Variants in SNX29 observed in about 807,000 individuals in gnomAD.
SNX29 encodes sorting nexin-29.
A neutral mutation model predicts 102.1 loss-of-function variants in SNX29; 78 were observed. The observed-to-expected ratio is 0.76, with a 90% CI of 0.64 to 0.92. The LOEUF (loss-of-function observed/expected upper bound fraction) is 0.92. Among genes scored for constraint, SNX29 ranks in the 40% least tolerant of loss-of-function variants. The probability of loss-of-function intolerance (pLI) is 0.00; values close to 1 mark genes in which losing one functional copy is unlikely to be tolerated. For missense variants in SNX29, 1,280 were observed against 1,061.7 expected, an observed-to-expected ratio of 1.21 and a Z score of -2.86; for synonymous variants, 580 against 414.5, an observed-to-expected ratio of 1.40 and a Z score of -4.85.
chr16:12,363,354 C>T (rs1373799806), intron 16 of SNX29, among the ~76,000 whole-genome samples: 2 of 152,136 alleles, frequency 1.3e-5, no homozygotes, highest in Admixed American at 6.5e-5. Flanking sequence ...TCAGCCACTT[C>T]CCTCTTCCTT....
At chr16:12,552,769 T>G (rs755525905) in intron 20 of SNX29, among the ~76,000 whole-genome samples, 6 of 152,168 alleles carry the variant, frequency 3.9e-5, no homozygotes, top group Admixed American at 6.5e-5. Context: ...AGGTATGAAT[T>G]CATCTCAGCT....
At chr16:12,195,023 A>T (rs2076738539) in intron 13 of SNX29, among the ~76,000 whole-genome samples, 1 of 152,212 alleles carries the variant, frequency 6.6e-6, no homozygotes, top group Non-Finnish European at 1.5e-5. Context: ...ATTTTATCAT[A>T]TAGAAATGAG....
At chr16:12,195,081 G>T (rs559886231) in intron 13 of SNX29, among the ~76,000 whole-genome samples, 2 of 152,326 alleles carry the variant, frequency 1.3e-5, no homozygotes, top group East Asian at 3.9e-4. Flanking sequence ...ATATATCCAT[G>T]TAAATAGATA....
At chr16:11,983,429 C>G (rs2150963158) in intron 1 of SNX29, among the ~76,000 whole-genome samples, 1 of 152,132 alleles carries the variant, frequency 6.6e-6, no homozygotes, top group South Asian at 2.1e-4. Flanking sequence ...TCGGCACTGA[C>G]TGGGCCCTCT....
chr16:12,108,828 G>A (rs539216594), intron 11 of SNX29, among the ~76,000 whole-genome samples: 1 of 152,072 alleles, frequency 6.6e-6, no homozygotes, highest in Non-Finnish European at 1.5e-5. Context: ...CTTGAAGTTG[G>A]GTAATTAATA....
chr16:12,210,410 C>T (rs939831147), intron 14 of SNX29, among the ~76,000 whole-genome samples: 2 of 151,180 alleles, frequency 1.3e-5, no homozygotes, highest in African/African-American at 4.9e-5. Flanking sequence ...TCACTGCAGC[C>T]TCAACCTTCT....
chr16:12,132,101 C>CTTT (rs36096248), intron 13 of SNX29, among the ~76,000 whole-genome samples: 1 of 142,934 alleles, frequency 7.0e-6, no homozygotes, highest in Non-Finnish European at 1.5e-5. Context: ...TATGCCCTGT[C>CTTT]TTTTTTTTTT....
At chr16:12,385,998 G>A (rs932102077) in intron 16 of SNX29, among the ~76,000 whole-genome samples, 1 of 152,210 alleles carries the variant, frequency 6.6e-6, no homozygotes, top group Non-Finnish European at 1.5e-5. Flanking sequence ...AGCTCAATAT[G>A]CATGGCCTTG....
intron 20 of SNX29, among the ~76,000 whole-genome samples, chr16:12,535,755 C>G (rs1413838653): frequency 2.0e-5 from 3 of 151,918 alleles, no homozygotes; most frequent in Admixed American, 6.5e-5. Flanking sequence ...TCTTCCACCA[C>G]TGTGTGTCTC....
In SNX29 at chr16:12,042,893, G is replaced by A. The variant is rs149118714; in HGVS notation, c.248-4G>A. The A allele has an allele frequency of 1.1e-4, 176 of 1,602,132 alleles. No homozygotes were observed. Among genetic ancestry groups the A allele is most frequent in the Non-Finnish European group, 1.2e-4 (141 of 1,171,724 alleles). On this transcript the variant is annotated splice_region_variant and splice_polypyrimidine_tract_variant and intron_variant, in intron 4 of 20. Transcript: ENST00000566228. ...TGCCAGGCGCCTGTGCCCTCTCTCC[G>A]TAGAGCCCGTGTTCTGGTACTACGT...
rs756152276 is a variant in SNX29, at chr16:12,571,060, C to G, written c.*2431C>G. The G allele has an allele frequency of 4.3e-6, 1 of 232,514 alleles. No individual in the cohort carries two copies. The highest frequency in any genetic ancestry group is 8.5e-6 in the Non-Finnish European group (1 of 117,632). 14.4% of individuals were successfully genotyped at this position (232,514 alleles called of 1,614,324 possible). A position where few individuals can be genotyped will look rare whatever the true frequency, so the allele number is the denominator to read the frequency against. On this transcript the variant is annotated 3_prime_UTR_variant, in exon 21 of 21. Coordinates refer to ENST00000566228, the MANE Select transcript of SNX29 (RefSeq NM_032167.5). ...TCCTCTCATTCTCACTCTAAAAATG[C>G]TGGTGGCCCGCACATGACAGCAACT... is the stretch of plus-strand genomic sequence containing the variant.
At chr16:12,381,102 C>T (rs185957356) in intron 16 of SNX29, among the ~76,000 whole-genome samples, 2 of 22,932 alleles carry the variant, frequency 8.7e-5, no homozygotes, top group African/African-American at 3.7e-4. Context: ...CATCCATCCA[C>T]CCACCCACCC....
intron 20 of SNX29, among the ~76,000 whole-genome samples, chr16:12,565,250 T>C (rs116989784): frequency 6.6e-6 from 1 of 152,198 alleles, no homozygotes; most frequent in African/African-American, 2.4e-5. Flanking sequence ...TCTATAAAGA[T>C]GGCAGTTGCA....
intron 18 of SNX29, among the ~76,000 whole-genome samples, chr16:12,418,100 T>C: frequency 6.6e-6 from 1 of 152,184 alleles, no homozygotes; most frequent in East Asian, 1.9e-4. Context: ...AGTGCTTCCC[T>C]GACATGACTA....
intron 15 of SNX29, among the ~76,000 whole-genome samples, chr16:12,330,435 C>G (rs1449194534): frequency 6.6e-6 from 1 of 152,184 alleles, no homozygotes; most frequent in Admixed American, 6.5e-5. Context: ...CCACGGCACT[C>G]CAGCCTGAAA....
intron 15 of SNX29, among the ~76,000 whole-genome samples, chr16:12,332,464 T>C (rs774292797): frequency 2.8e-4 from 43 of 152,164 alleles, no homozygotes; most frequent in Non-Finnish European, 4.3e-4. Context: ...GTTTTAAAAA[T>C]GTGTTACTCT....
intron 15 of SNX29, among the ~76,000 whole-genome samples, chr16:12,292,524 AG>A (rs1390809227): frequency 6.6e-6 from 1 of 152,160 alleles, no homozygotes; most frequent in Non-Finnish European, 1.5e-5. Flanking sequence ...AGACCCATTG[AG>A]GAAGATAGAG....
At chr16:12,180,868 A>G (rs989532148) in intron 13 of SNX29, among the ~76,000 whole-genome samples, 1 of 152,042 alleles carries the variant, frequency 6.6e-6, no homozygotes, top group Non-Finnish European at 1.5e-5. Flanking sequence ...TCTCCTGTGG[A>G]TTTCGTGTGG....
chr16:12,046,516 G>C lies in SNX29; in HGVS notation c.499+62G>C, dbSNP rs1409265655. On this transcript the variant is annotated intron_variant, in intron 6 of 20. Coordinates refer to ENST00000566228, the MANE Select transcript of SNX29 (RefSeq NM_032167.5). The stretch of plus-strand genomic sequence containing the variant: ...ACACTTGGCAGAGGGGCTGCCTTGG[G>C]GCAGTTCCACAGCGCCATGGAGTGT... The C allele has an allele frequency of 4.6e-6, 7 of 1,536,014 alleles. No individual in the cohort carries two copies. The East Asian group carries it at 1.3e-4, about 30-fold the overall frequency.
Sources: gnomAD v4.1 joint callset for allele counts (sites outside exome capture counted in the v4.1 genomes callset) on GRCh38, gnomAD v4.1.1 for gene constraint, MANE v1.5 for transcripts, NCBI Gene and HGNC (gene_info 2026-07-23, HGNC 2026-07-21) for gene names.